CDKAL1: variants seen among roughly 807,000 people sequenced by gnomAD.
CDKAL1 encodes the protein CDKAL1 threonylcarbamoyladenosine tRNA methylthiotransferase, also known as threonylcarbamoyladenosine tRNA methylthiotransferase.
A neutral mutation model predicts 68.2 loss-of-function variants in CDKAL1; 32 were observed. The observed-to-expected ratio is 0.47, with a 90% CI of 0.35 to 0.63. The LOEUF is 0.63. Ranked by LOEUF, CDKAL1 falls within the 30% of genes least tolerant of loss-of-function variation. The probability of loss-of-function intolerance (pLI) is 0.00; values close to 1 mark genes in which losing one functional copy is unlikely to be tolerated. For missense variants in CDKAL1, 606 were observed against 696.7 expected (o/e 0.87, Z 1.47); for synonymous variants, 234 against 244.3 (o/e 0.96, Z 0.39).
At chr6:20,992,031 CTTTTTTT>C (rs71530401) in intron 10 of CDKAL1, among the ~76,000 whole-genome samples, 1 of 100,476 alleles carries the variant, frequency 1.0e-5, no homozygotes, top group Non-Finnish European at 1.9e-5. Context: ...TTTTTCTTTT[CTTTTTTT>C]TTTTTTTTTT....
intron 9 of CDKAL1, among the ~76,000 whole-genome samples, chr6:20,855,341 G>A (rs1581705389): frequency 6.7e-6 from 1 of 149,588 alleles, no homozygotes; most frequent in African/African-American, 2.5e-5. Context: ...TACTTGGGAA[G>A]CTGAGGCAGG....
chr6:21,078,133 C>T (rs1483055885), intron 12 of CDKAL1, among the ~76,000 whole-genome samples: 1 of 152,154 alleles, frequency 6.6e-6, no homozygotes, highest in Non-Finnish European at 1.5e-5. Context: ...TTCTCACCTC[C>T]AGAACTATAA....
chr6:20,646,048 A>ATTTTTTTTTTTTTTTTTT (rs1171622769), intron 4 of CDKAL1, among the ~76,000 whole-genome samples: 1 of 87,364 alleles, frequency 1.1e-5, no homozygotes, highest in African/African-American at 4.6e-5. Flanking sequence ...TCACGGTTAA[A>ATTTTTTTTTTTTTTTTTT]TTTTTTTTTT....
chr6:20,951,870 G>T (rs1418484672), intron 9 of CDKAL1, among the ~76,000 whole-genome samples: 2 of 150,728 alleles, frequency 1.3e-5, no homozygotes, highest in Admixed American at 1.3e-4. Context: ...TTTTTTGCAT[G>T]TATTTATTTT....
intron 4 of CDKAL1, among the ~76,000 whole-genome samples, chr6:20,633,896 T>C (rs56241903): frequency 0.19 from 28,885 of 152,148 alleles, 2,858 homozygotes; most frequent in East Asian, 0.37. Flanking sequence ...GTTGTGATAG[T>C]ATTTTCTTTT....
chr6:21,187,687 A>G (rs780915307), intron 13 of CDKAL1, among the ~76,000 whole-genome samples: 1 of 152,186 alleles, frequency 6.6e-6, no homozygotes, highest in Non-Finnish European at 1.5e-5. Context: ...GAAGTTGGCA[A>G]GTAGTTACTG....
At chr6:20,561,929 G>T (rs1764282175) in intron 4 of CDKAL1, among the ~76,000 whole-genome samples, 1 of 152,120 alleles carries the variant, frequency 6.6e-6, no homozygotes, top group African/African-American at 2.4e-5. Flanking sequence ...ACATGTCTTG[G>T]ATAAGATCCT....
At chr6:20,901,922 G>T (rs1762003194) in intron 9 of CDKAL1, among the ~76,000 whole-genome samples, 1 of 151,862 alleles carries the variant, frequency 6.6e-6, no homozygotes, top group Non-Finnish European at 1.5e-5. Context: ...GACCACAGGT[G>T]CATGCCATCA....
At chr6:20,968,589 T>C (rs889218602) in intron 10 of CDKAL1, among the ~76,000 whole-genome samples, 1 of 152,130 alleles carries the variant, frequency 6.6e-6, no homozygotes, top group Non-Finnish European at 1.5e-5. Flanking sequence ...TCTAAGGCTC[T>C]GTTAATTTTT....
At chr6:20,897,481 G>A (rs2150590616) in intron 9 of CDKAL1, among the ~76,000 whole-genome samples, 1 of 152,182 alleles carries the variant, frequency 6.6e-6, no homozygotes, top group South Asian at 2.1e-4. Flanking sequence ...TTTGACCTTG[G>A]GAATCTAGTG....
chr6:21,117,797 T>C (rs550808532), intron 13 of CDKAL1, among the ~76,000 whole-genome samples: 1 of 152,276 alleles, frequency 6.6e-6, no homozygotes, highest in South Asian at 2.1e-4. Context: ...TACAAAATGA[T>C]TGTAAAACTT....
At chr6:21,192,579 A>C (rs547718072) in intron 13 of CDKAL1, among the ~76,000 whole-genome samples, 5 of 152,334 alleles carry the variant, frequency 3.3e-5, no homozygotes, top group Admixed American at 6.5e-5. Context: ...ACAATCAGTT[A>C]CTTTCCTGAC....
At chr6:20,919,895 T>G (rs1231189615) in intron 9 of CDKAL1, among the ~76,000 whole-genome samples, 3 of 152,118 alleles carry the variant, frequency 2.0e-5, no homozygotes, top group Non-Finnish European at 4.4e-5. Flanking sequence ...ATGAGCAATT[T>G]GAGGAGAGAG....
At chr6:20,630,783 T>C (rs917850652) in intron 4 of CDKAL1, among the ~76,000 whole-genome samples, 10 of 152,122 alleles carry the variant, frequency 6.6e-5, no homozygotes, top group Admixed American at 1.3e-4. Flanking sequence ...TGCCTTCTGG[T>C]TTCCAGCTTA....
intron 4 of CDKAL1, among the ~76,000 whole-genome samples, chr6:20,606,540 A>G (rs1294532541): frequency 6.6e-6 from 1 of 152,242 alleles, no homozygotes; most frequent in Non-Finnish European, 1.5e-5. Flanking sequence ...TCATTTTTAA[A>G]TAAATACAGG....
At chr6:21,181,456 C>G (rs1393483995) in intron 13 of CDKAL1, among the ~76,000 whole-genome samples, 1 of 152,220 alleles carries the variant, frequency 6.6e-6, no homozygotes, top group Non-Finnish European at 1.5e-5. Context: ...TGTCCTCCCT[C>G]TATTGCCTTC....
chr6:21,040,435 A>C (rs1024544508), intron 11 of CDKAL1, among the ~76,000 whole-genome samples: 1 of 152,154 alleles, frequency 6.6e-6, no homozygotes, highest in African/African-American at 2.4e-5. Flanking sequence ...GTTGAGATTA[A>C]CTATATATTT....
intron 9 of CDKAL1, among the ~76,000 whole-genome samples, chr6:20,926,458 C>T (rs982005738): frequency 2.0e-5 from 3 of 151,872 alleles, no homozygotes; most frequent in Non-Finnish European, 4.4e-5. Context: ...TTGATTTGGA[C>T]AGAAGAATCA....
chr6:21,057,088 G>A (rs1016813555), intron 11 of CDKAL1, among the ~76,000 whole-genome samples: 4 of 152,194 alleles, frequency 2.6e-5, no homozygotes, highest in Non-Finnish European at 1.5e-5. Context: ...AATAGTTTCA[G>A]AAGAAATGTA....
Sources: allele counts gnomAD v4.1 joint callset (sites outside exome capture counted in the v4.1 genomes callset), GRCh38; gene constraint gnomAD v4.1.1; transcripts MANE v1.5; gene names NCBI Gene and HGNC (gene_info 2026-07-23, HGNC 2026-07-21).